The following ARFIP2 variants were observed in gnomAD, a reference collection of about 807,000 sequenced individuals.
The protein encoded by ARFIP2 is arfaptin-2.
A neutral mutation model predicts 39.2 loss-of-function variants in ARFIP2; 14 were observed. The observed-to-expected ratio is 0.36, with a 90% CI of 0.24 to 0.56. The LOEUF (loss-of-function observed/expected upper bound fraction) is 0.56. ARFIP2 is among the 20% of genes least tolerant of loss of function. The pLI is 0.85. For synonymous variants in ARFIP2, 167 were observed against 172.4 expected (o/e 0.97, Z 0.24); for missense variants, 305 against 422.5 (o/e 0.72, Z 2.44).
In ARFIP2 at chr11:6,478,833, G is replaced by A. The variant is rs1463942630; in HGVS notation, c.442C>T (p.Arg148Trp). ...CTGTAGAGGTGGGCTGTCAGTGCCC[G>A]GCCCAGCTGCAGGACACTCTCATAC... ...RKYESVLQLG[R>W]ALTAHLYSLL... The change falls in exon 5 of 8, where the codon CGG becomes TGG. Residue 148 changes from arginine to tryptophan, a missense_variant. Arg to Trp is a moderately radical substitution (Grantham distance 101). Transcript: ENST00000396777. This position sits in a 1 kb window ranked among gnomAD's most constrained non-coding sequence, Gnocchi z 4.8. 4.3e-6 allele frequency: 7 copies of A among 1,614,008 alleles called. No individual in the cohort carries two copies. Among genetic ancestry groups the A allele is most frequent in the African/African-American group, 2.7e-5 (2 of 74,902 alleles).
At position 6,478,730 on chromosome 11, in the gene ARFIP2, T is replaced by A; in HGVS notation, c.537+8A>T. On this transcript the variant is annotated splice_region_variant and intron_variant, in intron 5 of 7. Coordinates refer to ENST00000396777, the MANE Select transcript of ARFIP2 (RefSeq NM_001376558.2). This position sits in a 1 kb window ranked among gnomAD's most constrained non-coding sequence, Gnocchi z 4.8. ...GTTCCCCCACCCTCTTTGGTCTGGG[T>A]GAGGCACCTGAAGCTCTGGGGACTT... 6.2e-7 allele frequency: 1 copy of A among 1,607,128 alleles called. No individual in the cohort carries two copies. The highest frequency in any genetic ancestry group is 8.5e-7 in the Non-Finnish European group (1 of 1,174,498).
At position 6,476,966 on chromosome 11, in the gene ARFIP2, TG is replaced by T; in HGVS notation, c.*146del. 1 of 921,786 alleles carries T rather than the reference TG, an allele frequency of 1.1e-6. No homozygotes were observed. The highest frequency in any genetic ancestry group is 1.6e-6 in the Non-Finnish European group (1 of 634,406). 57.1% of individuals were successfully genotyped at this position (921,786 alleles called of 1,614,324 possible). A position where few individuals can be genotyped will look rare whatever the true frequency, so the allele number is the denominator to read the frequency against. On this transcript the variant is annotated 3_prime_UTR_variant, in exon 8 of 8. Coordinates refer to ENST00000396777, the MANE Select transcript of ARFIP2 (RefSeq NM_001376558.2). ...AGGCCCTCTTCCCACCATAGCAATG[TG>T]GGCAAAACTGGTGTCAGGCCCCAGC... is the stretch of plus-strand genomic sequence containing the variant.
rs1851223801 is a variant in ARFIP2 at position 6,477,645 on chromosome 11, G to A, written c.870+73C>T. On this transcript the variant is annotated intron_variant, in intron 7 of 7. Coordinates refer to ENST00000396777, the MANE Select transcript of ARFIP2 (RefSeq NM_001376558.2). This position sits in a 1 kb window ranked among gnomAD's most constrained non-coding sequence, Gnocchi z 4.8. ...AGGCTGCATTTCCTCATTCAATAATGGGGAGGGTCTGAGGGGAAGGTTAGT... is the reference window on the plus strand; with the variant it reads ...AGGCTGCATTTCCTCATTCAATAATAGGGAGGGTCTGAGGGGAAGGTTAGT... 7.8e-6 allele frequency: 12 copies of A among 1,530,636 alleles called. No homozygotes were observed. Among genetic ancestry groups the A allele is most frequent in the Non-Finnish European group, 1.1e-5 (12 of 1,123,178 alleles). 94.8% of individuals were successfully genotyped at this position (1,530,636 alleles called of 1,614,324 possible).
At position 6,478,307 on chromosome 11, in the gene ARFIP2, GAAC is replaced by G; in HGVS notation, c.538-112_538-110del. The G allele has an allele frequency of 7.3e-7, 1 of 1,368,876 alleles. No homozygotes were observed. 84.8% of individuals were successfully genotyped at this position (1,368,876 alleles called of 1,614,324 possible). On this transcript the variant is annotated intron_variant, in intron 5 of 7. Transcript: ENST00000396777. This position sits in a 1 kb window ranked among gnomAD's most constrained non-coding sequence, Gnocchi z 4.8. ...GGGGAGGACACAGCCAGCAAAACTG[GAAC>G]AACCAAGGACTGCCTCCAGCAAGGC...
rs1162450702 is a variant in ARFIP2, at chr11:6,481,282, G to T, written c.-94C>A. On this transcript the variant is annotated 5_prime_UTR_variant, in exon 1 of 8. Coordinates refer to ENST00000396777, the MANE Select transcript of ARFIP2 (RefSeq NM_001376558.2). ...GGGCGCCAGGCCCGGGCCGCGCGGG[G>T]ACCTCGGGCTCCAGTTCCCGTCGCG... is the stretch of plus-strand genomic sequence containing the variant. The T allele has an allele frequency of 1.7e-5, 11 of 643,180 alleles. No individual in the cohort carries two copies. Among genetic ancestry groups the T allele is most frequent in the Non-Finnish European group, 2.4e-5 (9 of 377,376 alleles). 39.8% of individuals were successfully genotyped at this position (643,180 alleles called of 1,614,324 possible).
rs935294536 is a variant in ARFIP2, at chr11:6,481,273, C to T, written c.-85G>A. ...TTCCCCTCAGGGCGCCAGGCCCGGG[C>T]CGCGCGGGGACCTCGGGCTCCAGTT... On this transcript the variant is annotated 5_prime_UTR_variant, in exon 1 of 8. Transcript: ENST00000396777. The T allele has an allele frequency of 4.8e-6, 3 of 626,628 alleles. No individual in the cohort carries two copies. The highest frequency in any genetic ancestry group is 8.3e-6 in the Non-Finnish European group (3 of 362,884). The allele number at this position is 626,628 out of a possible 1,614,324, so 38.8% of individuals were successfully genotyped here. A position where few individuals can be genotyped will look rare whatever the true frequency, so the allele number is the denominator to read the frequency against.
At chr11:6,479,027 A>G (rs1017879581) in intron 4 of ARFIP2, 68 bp from the exon 5 acceptor site, 24 of 1,582,938 alleles carry the variant, frequency 1.5e-5, no homozygotes, top group Non-Finnish European at 1.9e-5. Flanking sequence ...TATCTACCCC[A>G]GCACCCCCCA....
chr11:6,477,710 G>A lies in ARFIP2; in HGVS notation c.870+8C>T, dbSNP rs371801718. ...GGTGGGCTAGGGTCAAGGGGGTGGG[G>A]TTGGCACCTTGTTTTCTTCCAGGAA... On this transcript the variant is annotated splice_region_variant and intron_variant, in intron 7 of 7. Coordinates refer to ENST00000396777, the MANE Select transcript of ARFIP2 (RefSeq NM_001376558.2). This position sits in a 1 kb window ranked among gnomAD's most constrained non-coding sequence, Gnocchi z 4.8. The A allele has an allele frequency of 6.2e-6, 10 of 1,613,380 alleles. No individual in the cohort carries two copies. Among genetic ancestry groups the A allele is most frequent in the Admixed American group, 1.7e-5 (1 of 59,964 alleles).
rs975508010 is a variant in ARFIP2, at chr11:6,481,217, C to T, written c.-43+14G>A. On this transcript the variant is annotated intron_variant, in intron 1 of 7. Coordinates refer to ENST00000396777, the MANE Select transcript of ARFIP2 (RefSeq NM_001376558.2). ...TGCGTTCAACTTCCCGTCGCCCAAG[C>T]ATGTTCCTCTCACCTCGGGCCGGGC... 5.2e-6 allele frequency: 3 copies of T among 573,704 alleles called. No homozygotes were observed. The East Asian group carries it at 8.8e-5, about 17-fold the overall frequency. The allele number at this position is 573,704 out of a possible 1,614,324, so 35.5% of individuals were successfully genotyped here.
rs1355570541 is a variant in ARFIP2, at chr11:6,477,597, G to C, written c.870+121C>G. 2 of 1,156,840 alleles carry C rather than the reference G, an allele frequency of 1.7e-6. No individual in the cohort carries two copies. The highest frequency in any genetic ancestry group is 1.5e-5 in the African/African-American group (1 of 64,764). 71.7% of individuals were successfully genotyped at this position (1,156,840 alleles called of 1,614,324 possible). On this transcript the variant is annotated intron_variant, in intron 7 of 7. Coordinates refer to ENST00000396777, the MANE Select transcript of ARFIP2 (RefSeq NM_001376558.2). This position sits in a 1 kb window ranked among gnomAD's most constrained non-coding sequence, Gnocchi z 4.8. ...TCTGGAAAGGCCCAGGGGTTGAGGG[G>C]GTGAACACTCTACTCCCCAGCTAGG...
chr11:6,478,992 C>T lies in ARFIP2; in HGVS notation c.316-33G>A. ...GGAAATGGGGGAATAAATCAGAGACCCTAACAGCCTCCCCACACAACAGGT... is the reference window on the plus strand; with the variant it reads ...GGAAATGGGGGAATAAATCAGAGACTCTAACAGCCTCCCCACACAACAGGT... On this transcript the variant is annotated intron_variant, in intron 4 of 7. Transcript: ENST00000396777. The surrounding 1 kb of genome is among the most constrained non-coding windows in gnomAD (Gnocchi z 4.8). The T allele has an allele frequency of 6.2e-7, 1 of 1,607,198 alleles. No individual in the cohort carries two copies. The highest frequency in any genetic ancestry group is 8.5e-7 in the Non-Finnish European group (1 of 1,174,526).
Position 6,478,011 on chromosome 11 carries a change from C to G in ARFIP2, c.695+30G>C, listed in dbSNP as rs751852952. 3 of 1,610,546 alleles carry G rather than the reference C, an allele frequency of 1.9e-6. No homozygotes were observed. Among genetic ancestry groups the G allele is most frequent in the Non-Finnish European group, 1.7e-6 (2 of 1,177,310 alleles). ...ATTTCCACCCATACCAGCCAACTCC[C>G]CAAACCCTAAGCCCTGCCAGTGCCC... On this transcript the variant is annotated intron_variant, in intron 6 of 7. Transcript: ENST00000396777. The surrounding 1 kb of genome is among the most constrained non-coding windows in gnomAD (Gnocchi z 4.8).
chr11:6,476,856 C>T lies in ARFIP2; in HGVS notation c.*257G>A, dbSNP rs912985782. Reference sequence around the variant, plus strand: ...GGCCAGGGAGTGGTTTTGTCATAGCCGTTGGCTGTGAAGTGGAAGGAAAAG... The same window carrying T: ...GGCCAGGGAGTGGTTTTGTCATAGCTGTTGGCTGTGAAGTGGAAGGAAAAG... On this transcript the variant is annotated 3_prime_UTR_variant, in exon 8 of 8. Coordinates refer to ENST00000396777, the MANE Select transcript of ARFIP2 (RefSeq NM_001376558.2). 1.2e-5 allele frequency: 5 copies of T among 433,620 alleles called. No homozygotes were observed. Among genetic ancestry groups the T allele is most frequent in the African/African-American group, 5.9e-5 (3 of 50,558 alleles). 26.9% of individuals were successfully genotyped at this position (433,620 alleles called of 1,614,324 possible). A position where few individuals can be genotyped will look rare whatever the true frequency, so the allele number is the denominator to read the frequency against.
rs1371374682 is a variant in ARFIP2, at chr11:6,478,123, A to G, written c.613T>C (p.Phe205Leu). 1 of 1,613,972 alleles carries G rather than the reference A, an allele frequency of 6.2e-7. No individual in the cohort carries two copies. The highest frequency in any genetic ancestry group is 1.3e-5 in the African/African-American group (1 of 74,878). ...NGETLLGAVN[F>L]FVSSINTLVT... is the part of the protein sequence containing the mutation. ...AATGTGTTGATGCTAGAGACAAAGA[A>G]GTTCACGGCTCCTAGCAGCGTTTCC... The change falls in exon 6 of 8, where the codon TTC (phenylalanine) becomes CTC (leucine). Residue 205 changes from phenylalanine (F) to leucine (L), a missense_variant. This residue lies in a region of ARFIP2 where 42 missense variants were observed against 101.2 expected (regional missense o/e 0.42). Transcript: ENST00000396777. The surrounding 1 kb of genome is among the most constrained non-coding windows in gnomAD (Gnocchi z 4.8).
At position 6,477,531 on chromosome 11, in the gene ARFIP2, A is replaced by G. The variant is rs1250689650; in HGVS notation, c.870+187T>C. On this transcript the variant is annotated intron_variant, in intron 7 of 7. Coordinates refer to ENST00000396777, the MANE Select transcript of ARFIP2 (RefSeq NM_001376558.2). This position sits in a 1 kb window ranked among gnomAD's most constrained non-coding sequence, Gnocchi z 4.8. ...TTATGTTCCTGGGACCAGCAGCCAAATCCTCCAACAGGAAAGGGCCAGGAA... is the reference window on the plus strand; with the variant it reads ...TTATGTTCCTGGGACCAGCAGCCAAGTCCTCCAACAGGAAAGGGCCAGGAA... Among the ~76,000 whole-genome samples the G allele has an allele frequency of 6.6e-6, 1 of 152,096 alleles. No individual in the cohort carries two copies. Among genetic ancestry groups the G allele is most frequent in the East Asian group, 1.9e-4 (1 of 5,184 alleles).
At position 6,480,408 on chromosome 11, in the gene ARFIP2, A is replaced by ATCC; in HGVS notation, c.11_13dup (p.Gly4_Ile5insArg). The ATCC allele has an allele frequency of 6.2e-7, 1 of 1,612,130 alleles. No homozygotes were observed. Among genetic ancestry groups the ATCC allele is most frequent in the Non-Finnish European group, 8.5e-7 (1 of 1,179,204 alleles). On this transcript the variant is annotated inframe_insertion, in exon 2 of 8. Transcript: ENST00000396777. ...CTCCATTGTGGCTGCCTTCCCTAGG[A>ATCC]TCCCGTCCGTCATGGCTAGGAAAGG...
At position 6,478,648 on chromosome 11, in the gene ARFIP2, G is replaced by A. The variant is rs1851373216; in HGVS notation, c.537+90C>T. On this transcript the variant is annotated intron_variant, in intron 5 of 7. Transcript: ENST00000396777. The surrounding 1 kb of genome is among the most constrained non-coding windows in gnomAD (Gnocchi z 4.8). ...GGCCCACCCTGAAGGGGTTCTCCCT[G>A]TGGGCTGCAGGAGGGAGGGAGGATG... is the stretch of plus-strand genomic sequence containing the variant. The A allele has an allele frequency of 2.0e-6, 3 of 1,521,106 alleles. No homozygotes were observed. The highest frequency in any genetic ancestry group is 2.7e-6 in the Non-Finnish European group (3 of 1,130,852). The allele number at this position is 1,521,106 out of a possible 1,614,324, so 94.2% of individuals were successfully genotyped here.
chr11:6,478,905 G>C lies in ARFIP2; in HGVS notation c.370C>G (p.Leu124Val). 6.2e-7 allele frequency: 1 copy of C among 1,614,182 alleles called. No individual in the cohort carries two copies. The highest frequency in any genetic ancestry group is 8.5e-7 in the Non-Finnish European group (1 of 1,180,032). The change falls in exon 5 of 8, where the codon CTG becomes GTG. Residue 124 changes from leucine (L) to valine (V), a missense_variant. Physicochemically the swap from Leu to Val is conservative, Grantham distance 32. Transcript: ENST00000396777. This position sits in a 1 kb window ranked among gnomAD's most constrained non-coding sequence, Gnocchi z 4.8. ...AACTCAATCTGCAGCTCTAGCTCCA[G>C]GTCCACAGTCCGTGAGCCTCGACCA... ...RFGRGSRTVD[L>V]ELELQIELLR...
At position 6,479,418 on chromosome 11, in the gene ARFIP2, C is replaced by T. The variant is rs571977171; in HGVS notation, c.197-160G>A. ...CTTACTAGGAGGAACTCGGACTTTGCGCGGTGAGAACCAAATCCTGATATA... is the reference window on the plus strand; with the variant it reads ...CTTACTAGGAGGAACTCGGACTTTGTGCGGTGAGAACCAAATCCTGATATA... On this transcript the variant is annotated intron_variant, in intron 3 of 7. Transcript: ENST00000396777. 263 of 1,478,148 alleles carry T rather than the reference C, an allele frequency of 1.8e-4. 1 individual carries two copies. In the African/African-American group the frequency reaches 2.8e-3, roughly 16 times the overall value. The allele number at this position is 1,478,148 out of a possible 1,614,324, so 91.6% of individuals were successfully genotyped here. A position where few individuals can be genotyped will look rare whatever the true frequency, so the allele number is the denominator to read the frequency against.
Sources: allele counts gnomAD v4.1 joint callset (sites outside exome capture counted in the v4.1 genomes callset), GRCh38; gene constraint gnomAD v4.1.1; regional missense constraint gnomAD v4.1.1; non-coding constraint Gnocchi (gnomAD v3.1); transcripts MANE v1.5; gene names NCBI Gene and HGNC (gene_info 2026-07-23, HGNC 2026-07-21).